The following GRAMD2B variants were observed in gnomAD, a reference collection of about 807,000 sequenced individuals.
The protein encoded by GRAMD2B is GRAM domain containing 2B, also known as GRAM domain-containing protein 2B.
Under a neutral mutation model 59.2 loss-of-function variants are expected in GRAMD2B, and 41 were observed. The ratio of observed to expected loss-of-function variants is 0.69; its 90% CI spans 0.54 to 0.90. The LOEUF is 0.90. GRAMD2B is among the 40% of genes least tolerant of loss of function. GRAMD2B has a pLI of 0.00. For synonymous variants in GRAMD2B, 161 were observed against 182.7 expected, an observed-to-expected ratio of 0.88 and a Z score of 0.96; for missense variants, 424 against 500.5, an observed-to-expected ratio of 0.85 and a Z score of 1.46.
intron 1 of GRAMD2B, among the ~76,000 whole-genome samples, chr5:126,434,377 A>G (rs78809705): frequency 0.028 from 4,201 of 151,950 alleles, 76 homozygotes; most frequent in African/African-American, 0.033. Context: ...ACTAGCTTCT[A>G]CTCTATTGTA....
chr5:126,370,251 C>A (rs932862904), upstream of GRAMD2B, among the ~76,000 whole-genome samples: 1 of 152,186 alleles, frequency 6.6e-6, no homozygotes, highest in Non-Finnish European at 1.5e-5. Flanking sequence ...TTCTTAGGGT[C>A]AATACAGCAT....
chr5:126,360,336 C>T (rs1202102916), exon 1 of GRAMD2B: 2 of 1,551,050 alleles, frequency 1.3e-6, no homozygotes, highest in East Asian at 4.9e-5. Flanking sequence ...TAGAAGATGA[C>T]AAGGAGACAG....
chr5:126,432,280 T>C (rs916203371), intron 1 of GRAMD2B, among the ~76,000 whole-genome samples: 2 of 152,232 alleles, frequency 1.3e-5, no homozygotes, highest in African/African-American at 4.8e-5. Flanking sequence ...TTAAAGTCCA[T>C]ATATATCAGG....
At position 126,493,683 on chromosome 5, in the gene GRAMD2B, T is replaced by C. The variant is rs1774305091; in HGVS notation, c.*727T>C. 2 of 152,280 alleles carry C rather than the reference T, an allele frequency of 1.3e-5. No individual in the cohort carries two copies. Among genetic ancestry groups the C allele is most frequent in the African/African-American group, 4.8e-5 (2 of 41,462 alleles). 9.4% of individuals were successfully genotyped at this position (152,280 alleles called of 1,614,324 possible). A position where few individuals can be genotyped will look rare whatever the true frequency, so the allele number is the denominator to read the frequency against. On this transcript the variant is annotated 3_prime_UTR_variant, in exon 14 of 14. Coordinates refer to ENST00000285689, the MANE Select transcript of GRAMD2B (RefSeq NM_023927.4). ...TGAGGCATGTGACTGAAGTACTAAA[T>C]TAAACTTATTTTGAAACCAAACCTA...
chr5:126,487,660 G>T (rs1477412571), intron 12 of GRAMD2B, among the ~76,000 whole-genome samples: 1 of 152,150 alleles, frequency 6.6e-6, no homozygotes, highest in African/African-American at 2.4e-5. Flanking sequence ...CATGCTGAAG[G>T]CTCTATTAGA....
chr5:126,493,158 T>C lies in GRAMD2B; in HGVS notation c.*202T>C, dbSNP rs940786954. The C allele has an allele frequency of 1.2e-5, 7 of 561,548 alleles. No homozygotes were observed. Among genetic ancestry groups the C allele is most frequent in the Non-Finnish European group, 2.3e-5 (7 of 309,334 alleles). The allele number at this position is 561,548 out of a possible 1,614,324, so 34.8% of individuals were successfully genotyped here. A position where few individuals can be genotyped will look rare whatever the true frequency, so the allele number is the denominator to read the frequency against. On this transcript the variant is annotated 3_prime_UTR_variant, in exon 14 of 14. Transcript: ENST00000285689. Reference sequence around the variant, plus strand: ...TTGTGCAATAAAAGTTGACCTTGACTCTCTGAGGAAGATTTTGCTGCTTTT... The same window carrying C: ...TTGTGCAATAAAAGTTGACCTTGACCCTCTGAGGAAGATTTTGCTGCTTTT...
At position 126,392,719 on chromosome 5, in the gene GRAMD2B, G is replaced by T. The variant is rs201397915; in HGVS notation, c.125+21152G>T. On this transcript the variant is annotated intron_variant, in intron 1 of 8. Coordinates refer to the GRAMD2B transcript ENST00000506445. ...TCTTCTTTCATGGGAGGGTGAGGTGGGGGCAGGGGGTGCGGGATGGGAAAC... is the reference window on the plus strand; with the variant it reads ...TCTTCTTTCATGGGAGGGTGAGGTGTGGGCAGGGGGTGCGGGATGGGAAAC... Among the ~76,000 whole-genome samples the T allele has an allele frequency of 2.5e-4, 38 of 152,082 alleles. No homozygotes were observed. In the East Asian group the frequency reaches 7.4e-3, roughly 29 times the overall value.
intron 1 of GRAMD2B, among the ~76,000 whole-genome samples, chr5:126,407,820 A>G (rs1758390889): frequency 6.6e-6 from 1 of 152,082 alleles, no homozygotes. Flanking sequence ...GGTGATAACC[A>G]ATAATGGATA....
intron 1 of GRAMD2B, among the ~76,000 whole-genome samples, chr5:126,408,796 G>A (rs1325771992): frequency 2.3e-4 from 34 of 147,408 alleles, no homozygotes; most frequent in African/African-American, 7.5e-4. Context: ...CCATTAACTC[G>A]TCATTTAGCA....
At position 126,449,073 on chromosome 5, in the gene GRAMD2B, T is replaced by A. The variant is rs112645251; in HGVS notation, c.84-16353T>A. ...GGCAGAGATGTGTTTTCCAAAGCGATGCGTTTCAAGTCCAGATAGAGAAAA... is the reference window on the plus strand; with the variant it reads ...GGCAGAGATGTGTTTTCCAAAGCGAAGCGTTTCAAGTCCAGATAGAGAAAA... On this transcript the variant is annotated intron_variant, in intron 1 of 13. Transcript: ENST00000285689. 2.3e-3 allele frequency among the ~76,000 whole-genome samples: 344 copies of A among 152,298 alleles called. 3 individuals are homozygous for A. The highest frequency in any genetic ancestry group is 7.9e-3 in the African/African-American group (328 of 41,562).
At chr5:126,453,348 G>GAAAAAAAAAAAAAAAAAAAAAAA in intron 1 of GRAMD2B, among the ~76,000 whole-genome samples, 1 of 128,192 alleles carries the variant, frequency 7.8e-6, no homozygotes, top group Non-Finnish European at 1.6e-5. Flanking sequence ...CATCTTAAAA[G>GAAAAAAAAAAAAAAAAAAAAAAA]AAAAAAAAAA....
chr5:126,409,667 T>G (rs964825539), intron 1 of GRAMD2B, among the ~76,000 whole-genome samples: 4 of 152,202 alleles, frequency 2.6e-5, no homozygotes, highest in African/African-American at 9.7e-5. Context: ...TAGTGTCTTT[T>G]GCTGTGCAGA....
rs1188374420 is a variant in GRAMD2B, at chr5:126,458,596, CATAACTAGCTACCACGGTTGTAT to C, written c.84-6819_84-6797del. Among the ~76,000 whole-genome samples the C allele has an allele frequency of 2.0e-5, 3 of 152,234 alleles. No homozygotes were observed. The East Asian group carries it at 5.8e-4, about 29-fold the overall frequency. On this transcript the variant is annotated intron_variant, in intron 1 of 13. Transcript: ENST00000285689. ...AGGATGAGGATTTACTCTGGGGCTC[CATAACTAGCTACCACGGTTGTAT>C]ATAACTAGCTGCCACGGTTATATAT...
At chr5:126,469,034 T>C (rs1417563920) in intron 2 of GRAMD2B, among the ~76,000 whole-genome samples, 3 of 152,228 alleles carry the variant, frequency 2.0e-5, no homozygotes, top group African/African-American at 4.8e-5. Flanking sequence ...TATTCTTTGA[T>C]TGAACTATAG....
intron 5 of GRAMD2B, among the ~76,000 whole-genome samples, chr5:126,477,141 T>C (rs1280283150): frequency 6.6e-6 from 1 of 152,230 alleles, no homozygotes; most frequent in Non-Finnish European, 1.5e-5. Flanking sequence ...CCTTTGACCA[T>C]CAATATCAGC....
At chr5:126,429,968 GC>G (rs1394155832) in intron 1 of GRAMD2B, among the ~76,000 whole-genome samples, 2 of 152,164 alleles carry the variant, frequency 1.3e-5, no homozygotes, top group Non-Finnish European at 2.9e-5. Flanking sequence ...CTGGCACTGA[GC>G]TTTTTACTCA....
chr5:126,363,499 C>T (rs1754313244), intron 1 of GRAMD2B, among the ~76,000 whole-genome samples: 1 of 152,090 alleles, frequency 6.6e-6, no homozygotes, highest in Non-Finnish European at 1.5e-5. Context: ...AAAACTTGTA[C>T]ACAAATATCC....
At chr5:126,385,896 AT>A (rs1035189542) in intron 1 of GRAMD2B, among the ~76,000 whole-genome samples, 6 of 152,176 alleles carry the variant, frequency 3.9e-5, no homozygotes, top group Non-Finnish European at 8.8e-5. Context: ...GTAGAATCCC[AT>A]TTGTAGAAAT....
intron 1 of GRAMD2B, among the ~76,000 whole-genome samples, chr5:126,397,990 T>C (rs1390032585): frequency 6.6e-6 from 1 of 151,350 alleles, no homozygotes; most frequent in Non-Finnish European, 1.5e-5. Flanking sequence ...AAGTCATTGG[T>C]CCTTGAATGT....
Sources: gnomAD v4.1 joint callset for allele counts (sites outside exome capture counted in the v4.1 genomes callset) on GRCh38, gnomAD v4.1.1 for gene constraint, MANE v1.5 for transcripts, NCBI Gene and HGNC (gene_info 2026-07-23, HGNC 2026-07-21) for gene names.